The following SLC22A9 variants were observed in gnomAD, a reference collection of about 807,000 sequenced individuals.
The protein encoded by SLC22A9 is solute carrier family 22 member 9.
SLC22A9 carries 64 observed loss-of-function variants against 50.1 expected under a neutral mutation model. The ratio of observed to expected loss-of-function variants is 1.28; its 90% confidence interval spans 1.04 to 1.57. The LOEUF is 1.57. Among genes scored for constraint, SLC22A9 ranks in the 40% most tolerant of loss-of-function variants. The probability of loss-of-function intolerance (pLI) is 0.00; values close to 1 mark genes in which losing one functional copy is unlikely to be tolerated. For missense variants in SLC22A9, 757 were observed against 676.1 expected (o/e 1.12, Z -1.33); for synonymous variants, 261 against 242.5 (o/e 1.08, Z -0.71).
At chr11:63,383,702 G>A (rs115240567) in intron 6 of SLC22A9, among the ~76,000 whole-genome samples, 4 of 152,194 alleles carry the variant, frequency 2.6e-5, no homozygotes, top group South Asian at 4.1e-4. Context: ...TATGAATAAA[G>A]TGATAACAAA....
chr11:63,387,764 T>C (rs748596153), intron 6 of SLC22A9, among the ~76,000 whole-genome samples: 2 of 152,194 alleles, frequency 1.3e-5, no homozygotes, highest in Non-Finnish European at 2.9e-5. Context: ...TTCAACAATA[T>C]TGATTTGTCC....
chr11:63,385,870 C>T (rs2014656057), intron 6 of SLC22A9, among the ~76,000 whole-genome samples: 1 of 152,078 alleles, frequency 6.6e-6, no homozygotes, highest in Non-Finnish European at 1.5e-5. Context: ...TTGTCTTGTG[C>T]CAGTTTTCAA....
intron 6 of SLC22A9, among the ~76,000 whole-genome samples, chr11:63,403,858 TAA>T (rs1442314615): frequency 2.0e-5 from 3 of 152,010 alleles, no homozygotes; most frequent in Non-Finnish European, 2.9e-5. Context: ...CAAGAAATAA[TAA>T]GTGTTCAAAG....
chr11:63,409,689 A>G, intron 9 of SLC22A9, 113 bp from the exon 10 acceptor site: 12 of 1,108,110 alleles, frequency 1.1e-5, no homozygotes, highest in Non-Finnish European at 1.6e-5. Context: ...TATGGTTTTT[A>G]CCAAACTAAT....
chr11:63,407,488 T>C (rs79177957), intron 7 of SLC22A9, among the ~76,000 whole-genome samples: 1,631 of 152,288 alleles, frequency 0.011, 27 homozygotes, highest in East Asian at 0.076. Flanking sequence ...TCCAATGTCA[T>C]GAGGCTATGA....
intron 5 of SLC22A9, among the ~76,000 whole-genome samples, chr11:63,379,923 G>A (rs897814639): frequency 1.3e-5 from 2 of 152,004 alleles, no homozygotes; most frequent in Admixed American, 6.6e-5. Flanking sequence ...GTACAGATGG[G>A]GTTTCACCAT....
chr11:63,393,822 T>C (rs1208629330), intron 6 of SLC22A9, among the ~76,000 whole-genome samples: 1 of 152,174 alleles, frequency 6.6e-6, no homozygotes, highest in Non-Finnish European at 1.5e-5. Flanking sequence ...TCTCTGTAGT[T>C]CCTGAATTTG....
rs781033042 is a variant in SLC22A9, at chr11:63,373,930, G to T, written c.698G>T (p.Gly233Val). ...GCAACACACAGATTCCAGGCCATGG[G>T]AATTACATTGGGAATGTGCCCTTCT... The part of the protein sequence containing the change: ...EWATHRFQAM[G>V]ITLGMCPSGI... The change falls in exon 4 of 10, where the codon GGA becomes GTA. Residue 233 changes from glycine (G) to valine (V), a missense_variant. By Grantham distance (109) the Gly-to-Val change is moderately radical. Transcript: ENST00000279178. 32 of 1,613,666 alleles carry T rather than the reference G, an allele frequency of 2.0e-5. No individual in the cohort carries two copies. Among genetic ancestry groups the T allele is most frequent in the Non-Finnish European group, 2.6e-5 (31 of 1,179,780 alleles).
intron 6 of SLC22A9, among the ~76,000 whole-genome samples, chr11:63,387,176 T>A (rs1475811198): frequency 1.3e-5 from 2 of 152,130 alleles, no homozygotes; most frequent in East Asian, 3.8e-4. Context: ...TTTGCTTTGG[T>A]TGCCTGTGCG....
At chr11:63,377,537 CT>C (rs1297773791) in intron 5 of SLC22A9, among the ~76,000 whole-genome samples, 1 of 152,104 alleles carries the variant, frequency 6.6e-6, no homozygotes, top group African/African-American at 2.4e-5. Context: ...ACCAGAATCT[CT>C]GGGACACAGC....
intron 6 of SLC22A9, among the ~76,000 whole-genome samples, chr11:63,394,076 G>A (rs2014810301): frequency 6.6e-6 from 1 of 151,936 alleles, no homozygotes; most frequent in African/African-American, 2.4e-5. Flanking sequence ...TCTTCCGTTT[G>A]ATCAATTCAG....
intron 7 of SLC22A9, among the ~76,000 whole-genome samples, chr11:63,407,527 G>A (rs2015061033): frequency 6.6e-6 from 1 of 152,124 alleles, no homozygotes; most frequent in Non-Finnish European, 1.5e-5. Flanking sequence ...ATAGAAACAA[G>A]CCTCTGAAAC....
chr11:63,386,081 T>G (rs2014660168), intron 6 of SLC22A9, among the ~76,000 whole-genome samples: 1 of 152,206 alleles, frequency 6.6e-6, no homozygotes, highest in African/African-American at 2.4e-5. Flanking sequence ...TCTGTTTATG[T>G]GATAAATTAC....
intron 6 of SLC22A9, among the ~76,000 whole-genome samples, chr11:63,388,630 G>T (rs1225506763): frequency 2.6e-5 from 4 of 151,696 alleles, no homozygotes; most frequent in African/African-American, 9.7e-5. Context: ...TAGCCTGTAG[G>T]TTTCTTTTTT....
At chr11:63,379,000 A>G (rs180730295) in intron 5 of SLC22A9, among the ~76,000 whole-genome samples, 6 of 152,332 alleles carry the variant, frequency 3.9e-5, no homozygotes, top group African/African-American at 1.4e-4. Context: ...CATTTTTTAT[A>G]GAATTAGAGA....
chr11:63,402,287 A>T (rs2014964456), intron 6 of SLC22A9, among the ~76,000 whole-genome samples: 1 of 152,074 alleles, frequency 6.6e-6, no homozygotes, highest in Non-Finnish European at 1.5e-5. Context: ...TGAATTTTGT[A>T]TATGGTCAAA....
intron 7 of SLC22A9, among the ~76,000 whole-genome samples, chr11:63,407,498 A>G (rs1166667812): frequency 1.3e-5 from 2 of 152,156 alleles, no homozygotes; most frequent in Admixed American, 6.5e-5. Flanking sequence ...TGAGGCTATG[A>G]CAGGATTTCT....
rs369029527 is a variant in SLC22A9, at chr11:63,384,983, GT to G, written c.1073+2713del. Among the ~76,000 whole-genome samples the G allele has an allele frequency of 6.1e-3, 928 of 151,062 alleles. 10 individuals carry two copies. Among genetic ancestry groups the G allele is most frequent in the African/African-American group, 0.021 (848 of 41,078 alleles). ...TGTCCTTTGCCCACTTTTCAATGGA[GT>G]TTTTTTGTTTTTTCCTTGTAAATTT... is the stretch of plus-strand genomic sequence containing the variant. On this transcript the variant is annotated intron_variant, in intron 6 of 9. Coordinates refer to ENST00000279178, the MANE Select transcript of SLC22A9 (RefSeq NM_080866.3).
intron 6 of SLC22A9, 49 bp from the exon 7 acceptor site, chr11:63,406,448 G>A (rs747782860): frequency 6.5e-7 from 1 of 1,527,708 alleles, no homozygotes; most frequent in South Asian, 1.1e-5. Context: ...TTTGTAGGAT[G>A]TAGGCTCCAC....
Sources: gnomAD v4.1 joint callset for allele counts (sites outside exome capture counted in the v4.1 genomes callset) on GRCh38, gnomAD v4.1.1 for gene constraint, MANE v1.5 for transcripts, NCBI Gene and HGNC (gene_info 2026-07-23, HGNC 2026-07-21) for gene names.